DLC1: variants seen among roughly 807,000 people sequenced by gnomAD.
DLC1 encodes the protein rho GTPase-activating protein 7.
DLC1 carries 54 observed loss-of-function variants against 140.3 expected under a neutral mutation model. The observed-to-expected ratio is 0.38, with a 90% CI of 0.31 to 0.48. DLC1 has a LOEUF of 0.48. DLC1 is among the 20% of genes least tolerant of loss of function. DLC1 has a pLI of 0.96. For missense variants in DLC1, 2,536 were observed against 1,907.0 expected, an observed-to-expected ratio of 1.33 and a Z score of -6.14; for synonymous variants, 986 against 728.1, an observed-to-expected ratio of 1.35 and a Z score of -5.70.
intron 1 of DLC1, among the ~76,000 whole-genome samples, chr8:13,523,894 G>A (rs972450684): frequency 4.6e-5 from 7 of 151,594 alleles, no homozygotes; most frequent in African/African-American, 1.5e-4. Flanking sequence ...TCCCAAGGGG[G>A]AGGGGAGAAA....
intron 12 of DLC1, 44 bp downstream of exon 12, chr8:13,094,715 A>C (rs775212883): frequency 1.9e-6 from 3 of 1,611,280 alleles, no homozygotes; most frequent in African/African-American, 2.7e-5. Context: ...AGTTGGTCCC[A>C]TTTTTCCCCA....
At chr8:13,573,076 C>T (rs772303098) in intron 1 of DLC1, among the ~76,000 whole-genome samples, 1 of 152,110 alleles carries the variant, frequency 6.6e-6, no homozygotes, top group South Asian at 2.1e-4. Context: ...ATTGTCATCA[C>T]AACAATATTG....
At chr8:13,401,307 G>A (rs1837285679) in intron 3 of DLC1, among the ~76,000 whole-genome samples, 163 bp downstream of exon 3, 1 of 152,318 alleles carries the variant, frequency 6.6e-6, no homozygotes. Context: ...TGCATAGAAT[G>A]TATGCATGAT....
intron 2 of DLC1, among the ~76,000 whole-genome samples, chr8:13,421,200 C>G (rs901435635): frequency 6.6e-6 from 1 of 152,038 alleles, no homozygotes; most frequent in African/African-American, 2.4e-5. Context: ...TTTCATTGAG[C>G]TCTTTTTGAT....
intron 4 of DLC1, among the ~76,000 whole-genome samples, chr8:13,344,989 T>C (rs549690669): frequency 6.6e-6 from 1 of 152,310 alleles, no homozygotes; most frequent in South Asian, 2.1e-4. Context: ...CAAGTTATTC[T>C]GGAAGACTGA....
Position 13,286,037 on chromosome 8 carries a change from C to G in DLC1, c.1348+19232G>C, listed in dbSNP as rs192829383. ...TAAATATGCAATACAGTGTTATTATCTGTAATAAATAAAGCACTTCTGTAA... is the reference window on the plus strand; with the variant it reads ...TAAATATGCAATACAGTGTTATTATGTGTAATAAATAAAGCACTTCTGTAA... On this transcript the variant is annotated intron_variant, in intron 5 of 17. Transcript: ENST00000276297. 4.1e-3 allele frequency among the ~76,000 whole-genome samples: 618 copies of G among 152,212 alleles called. 6 individuals carry two copies. Among genetic ancestry groups the G allele is most frequent in the African/African-American group, 0.014 (593 of 41,512 alleles).
intron 5 of DLC1, among the ~76,000 whole-genome samples, chr8:13,215,596 A>G (rs1178118769): frequency 6.6e-6 from 1 of 152,158 alleles, no homozygotes; most frequent in African/African-American, 2.4e-5. Context: ...AAAAACAAAA[A>G]CAAATATTAA....
chr8:13,117,616 T>C (rs1383461576), intron 5 of DLC1, among the ~76,000 whole-genome samples: 1 of 152,250 alleles, frequency 6.6e-6, no homozygotes, highest in African/African-American at 2.4e-5. Context: ...TACTTAGAGG[T>C]TATTTTCATT....
chr8:13,456,406 G>T (rs1585140012), intron 2 of DLC1, among the ~76,000 whole-genome samples: 1 of 151,950 alleles, frequency 6.6e-6, no homozygotes, highest in Non-Finnish European at 1.5e-5. Flanking sequence ...TCTTGTGGGA[G>T]TTGACAGGTA....
In DLC1 at chr8:13,525,541, T is replaced by C. The variant is rs113343876; in HGVS notation, c.-125-25345A>G. 6.0e-3 allele frequency among the ~76,000 whole-genome samples: 916 copies of C among 152,338 alleles called. 10 individuals are homozygous for C. The highest frequency in any genetic ancestry group is 0.021 in the African/African-American group (872 of 41,568). On this transcript the variant is annotated intron_variant, in intron 1 of 1. Coordinates refer to the DLC1 transcript ENST00000631382. ...AGTTTTAGCCATTCTAATAGATGTA[T>C]GGTCATTTCTCATTGTGGTTTTAAC...
intron 1 of DLC1, among the ~76,000 whole-genome samples, chr8:13,535,448 G>A (rs1010589752): frequency 6.6e-6 from 1 of 151,988 alleles, no homozygotes; most frequent in African/African-American, 2.4e-5. Context: ...GCTCTACCTT[G>A]TTTACTGTAA....
rs1001602124 is a variant in DLC1, at chr8:13,084,240, T to C, written c.*1571A>G. 6.6e-6 allele frequency: 1 copy of C among 152,654 alleles called. No homozygotes were observed. Among genetic ancestry groups the C allele is most frequent in the Non-Finnish European group, 1.5e-5 (1 of 68,032 alleles). 9.5% of individuals were successfully genotyped at this position (152,654 alleles called of 1,614,324 possible). ...GGAAGCCATCAAAATTGAATATCCA[T>C]GTATATCTTCATGAGGAACACTGAT... On this transcript the variant is annotated 3_prime_UTR_variant, in exon 18 of 18. Coordinates refer to ENST00000276297, the MANE Select transcript of DLC1 (RefSeq NM_182643.3).
intron 2 of DLC1, among the ~76,000 whole-genome samples, chr8:13,404,761 G>A (rs1407040129): frequency 1.3e-5 from 2 of 152,058 alleles, no homozygotes; most frequent in African/African-American, 4.8e-5. Context: ...ATTTTGGGAG[G>A]CAGAGGTGGG....
intron 1 of DLC1, among the ~76,000 whole-genome samples, chr8:13,520,017 C>T (rs1802714754): frequency 6.6e-6 from 1 of 152,060 alleles, no homozygotes; most frequent in Non-Finnish European, 1.5e-5. Flanking sequence ...ACTTTTACAC[C>T]GTTGGTGGGA....
chr8:13,144,531 C>T (rs563191913), intron 5 of DLC1, among the ~76,000 whole-genome samples: 3 of 152,140 alleles, frequency 2.0e-5, no homozygotes, highest in South Asian at 4.2e-4. Context: ...TTTGGGAGGC[C>T]GAGGCAGGCA....
intron 1 of DLC1, chr8:13,567,531 C>T (rs1804490864): frequency 6.4e-7 from 1 of 1,551,720 alleles, no homozygotes; most frequent in Non-Finnish European, 8.7e-7. Flanking sequence ...ACTTTAAAAA[C>T]ATGAGGACAA....
At chr8:13,464,790 A>T (rs1215562265) in intron 2 of DLC1, among the ~76,000 whole-genome samples, 2 of 141,010 alleles carry the variant, frequency 1.4e-5, no homozygotes, top group East Asian at 2.0e-4. Flanking sequence ...ATATATATAT[A>T]TTTATGCTTA....
At chr8:13,524,119 T>G (rs1802845186) in intron 1 of DLC1, among the ~76,000 whole-genome samples, 1 of 122,102 alleles carries the variant, frequency 8.2e-6, no homozygotes, top group Non-Finnish European at 1.6e-5. Context: ...TTATTATTAT[T>G]ATTATTATTA....
chr8:13,155,438 T>G (rs950284768), intron 5 of DLC1, among the ~76,000 whole-genome samples: 2 of 152,084 alleles, frequency 1.3e-5, no homozygotes, highest in Non-Finnish European at 2.9e-5. Context: ...TAATAAATGT[T>G]CTAGTTTATA....
Sources: allele counts gnomAD v4.1 joint callset (sites outside exome capture counted in the v4.1 genomes callset), GRCh38; gene constraint gnomAD v4.1.1; transcripts MANE v1.5; gene names NCBI Gene and HGNC (gene_info 2026-07-23, HGNC 2026-07-21).